RABGAP1L: variants seen among roughly 807,000 people sequenced by gnomAD.
RABGAP1L encodes rab GTPase-activating protein 1-like.
In RABGAP1L, 63 loss-of-function variants were observed where a neutral mutation model predicts 137.7. That is an observed-to-expected ratio of 0.46 (90% CI 0.37 to 0.56). The LOEUF is 0.56. Ranked by LOEUF, RABGAP1L falls within the 20% of genes least tolerant of loss-of-function variation. The pLI, the probability that RABGAP1L is intolerant of heterozygous loss-of-function variation, is 0.00. For missense variants in RABGAP1L, 1,095 were observed against 1,244.0 expected, an observed-to-expected ratio of 0.88 and a Z score of 1.80; for synonymous variants, 431 against 433.7, an observed-to-expected ratio of 0.99 and a Z score of 0.08.
chr1:174,656,341 C>G (rs1675971148), intron 14 of RABGAP1L, among the ~76,000 whole-genome samples: 1 of 152,024 alleles, frequency 6.6e-6, no homozygotes, highest in African/African-American at 2.4e-5. Flanking sequence ...GCCTGTAATC[C>G]CAGCTATTTG....
chr1:174,802,216 G>T (rs1055806988), intron 18 of RABGAP1L, among the ~76,000 whole-genome samples: 1 of 152,142 alleles, frequency 6.6e-6, no homozygotes, highest in Non-Finnish European at 1.5e-5. Context: ...GCCAAATTAG[G>T]CATCTGAAGT....
chr1:174,622,652 A>T (rs954624904), intron 13 of RABGAP1L, among the ~76,000 whole-genome samples: 4 of 152,180 alleles, frequency 2.6e-5, no homozygotes, highest in East Asian at 1.9e-4. Context: ...GGAATTGAAC[A>T]ATGAGAACAC....
At chr1:174,491,796 C>T (rs1660261685) in intron 13 of RABGAP1L, among the ~76,000 whole-genome samples, 2 of 152,194 alleles carry the variant, frequency 1.3e-5, no homozygotes. Flanking sequence ...TAGAGCCAGT[C>T]CATATGCTCC....
At chr1:174,175,282 A>C (rs957384415) in intron 1 of RABGAP1L, among the ~76,000 whole-genome samples, 4 of 152,180 alleles carry the variant, frequency 2.6e-5, no homozygotes, top group Non-Finnish European at 4.4e-5. Flanking sequence ...TTTAGAGAGC[A>C]TGAACCATGT....
intron 13 of RABGAP1L, among the ~76,000 whole-genome samples, chr1:174,403,059 C>T (rs1464290876): frequency 6.6e-6 from 1 of 151,908 alleles, no homozygotes; most frequent in African/African-American, 2.4e-5. Context: ...AACGTGTGTA[C>T]TGTATACTTT....
At chr1:174,844,106 T>C (rs1693793913) in intron 19 of RABGAP1L, among the ~76,000 whole-genome samples, 1 of 151,550 alleles carries the variant, frequency 6.6e-6, no homozygotes, top group Admixed American at 6.6e-5. Flanking sequence ...TCGAGTTCAT[T>C]GTAGATTCTG....
chr1:174,490,092 A>C (rs1007603160), intron 13 of RABGAP1L, among the ~76,000 whole-genome samples: 4 of 151,776 alleles, frequency 2.6e-5, no homozygotes, highest in Admixed American at 2.0e-4. Flanking sequence ...CTGGTGCCCT[A>C]TTTAGTTTGT....
At chr1:174,968,107 A>G (rs1669804611) in intron 20 of RABGAP1L, among the ~76,000 whole-genome samples, 2 of 152,218 alleles carry the variant, frequency 1.3e-5, no homozygotes, top group South Asian at 4.1e-4. Flanking sequence ...AGGAAAAAGA[A>G]AGAAATTGTC....
chr1:174,328,346 G>A (rs1021807083), intron 11 of RABGAP1L, among the ~76,000 whole-genome samples: 2 of 151,902 alleles, frequency 1.3e-5, no homozygotes, highest in East Asian at 1.9e-4. Flanking sequence ...TATATCAAGC[G>A]TTTTTTCTGA....
intron 13 of RABGAP1L, among the ~76,000 whole-genome samples, chr1:174,588,086 G>A (rs1358395243): frequency 6.6e-6 from 1 of 151,886 alleles, no homozygotes; most frequent in Admixed American, 6.6e-5. Flanking sequence ...GGCTGGTCTC[G>A]AACTTCTGAC....
At chr1:174,234,577 A>G (rs1199071042) in intron 4 of RABGAP1L, among the ~76,000 whole-genome samples, 1 of 150,356 alleles carries the variant, frequency 6.7e-6, no homozygotes, top group Non-Finnish European at 1.5e-5. Context: ...AGATAGTTGT[A>G]GGTATGCGGC....
chr1:174,866,156 AG>A (rs1651202917), intron 19 of RABGAP1L, among the ~76,000 whole-genome samples: 2 of 139,008 alleles, frequency 1.4e-5, no homozygotes, highest in Non-Finnish European at 3.0e-5. Context: ...AGAGAGAGAG[AG>A]AGAGAGATGC....
intron 12 of RABGAP1L, among the ~76,000 whole-genome samples, chr1:174,389,195 C>T (rs1687032886): frequency 6.6e-6 from 1 of 151,984 alleles, no homozygotes; most frequent in African/African-American, 2.4e-5. Flanking sequence ...ATAACTTCTC[C>T]GTATCTAGTT....
intron 18 of RABGAP1L, among the ~76,000 whole-genome samples, chr1:174,793,204 A>T (rs906005070): frequency 1.3e-5 from 2 of 152,210 alleles, no homozygotes; most frequent in Non-Finnish European, 2.9e-5. Context: ...ACAGACCATA[A>T]GACATTCTTA....
chr1:174,980,261 A>G (rs965070705), intron 23 of RABGAP1L, among the ~76,000 whole-genome samples: 3 of 152,198 alleles, frequency 2.0e-5, no homozygotes, highest in African/African-American at 7.2e-5. Context: ...CGGACGATTG[A>G]TAAATAAAAC....
intron 13 of RABGAP1L, among the ~76,000 whole-genome samples, chr1:174,420,677 G>GTTTTTT (rs67587872): frequency 7.5e-6 from 1 of 133,992 alleles, no homozygotes; most frequent in African/African-American, 2.8e-5. Flanking sequence ...TGGGTGTTTT[G>GTTTTTT]TTTTTTTTTT....
At chr1:174,952,920 TG>T (rs1189831356) in intron 19 of RABGAP1L, among the ~76,000 whole-genome samples, 1 of 151,468 alleles carries the variant, frequency 6.6e-6, no homozygotes, top group African/African-American at 2.4e-5. Context: ...TAACTCACTT[TG>T]GGAGGCTGAG....
intron 12 of RABGAP1L, among the ~76,000 whole-genome samples, chr1:174,383,789 C>G (rs1238217670): frequency 5.9e-5 from 9 of 152,132 alleles, no homozygotes; most frequent in Non-Finnish European, 1.3e-4. Context: ...CGGAGCTGTT[C>G]CTATTCGGCC....
At chr1:174,734,061 G>A (rs993860805) in intron 17 of RABGAP1L, among the ~76,000 whole-genome samples, 1 of 152,198 alleles carries the variant, frequency 6.6e-6, no homozygotes, top group Non-Finnish European at 1.5e-5. Flanking sequence ...TGCAACTAGA[G>A]GAATGCACTT....
Sources: gnomAD v4.1 joint callset for allele counts (sites outside exome capture counted in the v4.1 genomes callset) on GRCh38, gnomAD v4.1.1 for gene constraint, MANE v1.5 for transcripts, NCBI Gene and HGNC (gene_info 2026-07-23, HGNC 2026-07-21) for gene names.